VSTM2L: variants seen among roughly 807,000 people sequenced by gnomAD.
The protein encoded by VSTM2L is V-set and transmembrane domain containing 2 like.
VSTM2L carries 9 observed loss-of-function variants against 19.9 expected under a neutral mutation model. The ratio of observed to expected loss-of-function variants is 0.45; its 90% CI spans 0.27 to 0.79. The LOEUF is 0.79. Ranked by LOEUF, VSTM2L falls within the 30% of genes least tolerant of loss-of-function variation. The probability of loss-of-function intolerance (pLI) is 0.15; values close to 1 mark genes in which losing one functional copy is unlikely to be tolerated. For synonymous variants in VSTM2L, 127 were observed against 133.8 expected, an observed-to-expected ratio of 0.95 and a Z score of 0.35; for missense variants, 286 against 295.5, an observed-to-expected ratio of 0.97 and a Z score of 0.24.
At chr20:37,911,128 G>A (rs1011644489) in intron 1 of VSTM2L, among the ~76,000 whole-genome samples, 45 of 150,664 alleles carry the variant, frequency 3.0e-4, no homozygotes, top group African/African-American at 1.1e-3. Context: ...AAAATTAGCC[G>A]GGCATGGTGG....
intron 1 of VSTM2L, among the ~76,000 whole-genome samples, chr20:37,904,759 T>G (rs1470716591): frequency 6.6e-6 from 1 of 151,734 alleles, no homozygotes; most frequent in Non-Finnish European, 1.5e-5. Context: ...TCAGGGAAGG[T>G]TTTGCTGGGG....
At chr20:37,906,034 T>G (rs2072750254) in intron 1 of VSTM2L, among the ~76,000 whole-genome samples, 2 of 120,860 alleles carry the variant, frequency 1.7e-5, no homozygotes, top group Non-Finnish European at 3.3e-5. Context: ...GTCGGGAAGG[T>G]GTCTCTGTGT....
chr20:37,924,170 A>G (rs1408050066), intron 1 of VSTM2L, among the ~76,000 whole-genome samples: 12 of 152,216 alleles, frequency 7.9e-5, no homozygotes, highest in African/African-American at 2.2e-4. Context: ...CCAGGAGTCC[A>G]TGGCTGCGAT....
At chr20:37,909,630 A>G (rs1467193852) in intron 1 of VSTM2L, among the ~76,000 whole-genome samples, 5 of 152,156 alleles carry the variant, frequency 3.3e-5, no homozygotes, top group Non-Finnish European at 1.5e-5. Context: ...CCCCCTCCTT[A>G]TCCCTGCTGA....
In VSTM2L at chr20:37,933,717, A is replaced by G. The variant is rs567990067; in HGVS notation, c.342+128A>G. On this transcript the variant is annotated intron_variant, in intron 3 of 3. Coordinates refer to ENST00000373461, the MANE Select transcript of VSTM2L (RefSeq NM_080607.3). ...ATGGAAGAGAAGAAAAAGAGAAGGG[A>G]AAAAAATGGCCTTGCTCTGTTTTTT... 1.4e-4 allele frequency: 121 copies of G among 884,460 alleles called. 1 individual carries two copies. In the African/African-American group the frequency reaches 1.7e-3, roughly 13 times the overall value. 54.8% of individuals were successfully genotyped at this position (884,460 alleles called of 1,614,324 possible).
At chr20:37,909,614 T>C (rs1445535144) in intron 1 of VSTM2L, among the ~76,000 whole-genome samples, 3 of 152,160 alleles carry the variant, frequency 2.0e-5, no homozygotes, top group Non-Finnish European at 4.4e-5. Context: ...AATCACAAAA[T>C]TGGAGCCCCC....
chr20:37,927,354 T>G (rs973562164), intron 1 of VSTM2L, among the ~76,000 whole-genome samples: 2 of 144,506 alleles, frequency 1.4e-5, no homozygotes, highest in Non-Finnish European at 3.0e-5. Context: ...ATTTCACGTG[T>G]TTTTTTTTAC....
At chr20:37,915,712 G>A (rs1275527330) in intron 1 of VSTM2L, among the ~76,000 whole-genome samples, 1 of 151,972 alleles carries the variant, frequency 6.6e-6, no homozygotes, top group African/African-American at 2.4e-5. Flanking sequence ...TCGCAGACAC[G>A]ATTGGGCAGG....
intron 1 of VSTM2L, among the ~76,000 whole-genome samples, chr20:37,927,035 G>A (rs981383596): frequency 1.3e-5 from 2 of 152,198 alleles, no homozygotes; most frequent in Non-Finnish European, 2.9e-5. Flanking sequence ...ACACAATCTC[G>A]GCTCACTGCG....
chr20:37,943,262 A>G (rs1302724463), intron 3 of VSTM2L, among the ~76,000 whole-genome samples: 2 of 151,650 alleles, frequency 1.3e-5, no homozygotes, highest in African/African-American at 4.8e-5. Context: ...TCCAGGCATG[A>G]GCCACCGCAC....
Position 37,944,095 on chromosome 20 carries a change from C to T in VSTM2L, c.457C>T (p.Arg153Trp), listed in dbSNP as rs1200186878. Residue 153 changes from arginine (R) to tryptophan (W), a missense_variant, in exon 4 of 4, where the codon CGG becomes TGG. Physicochemically the swap from Arg to Trp is moderately radical, Grantham distance 101. Transcript: ENST00000373461. ...RVIDFSDGKARHHKVKAYLRV... is the reference protein window; with the variant it reads ...RVIDFSDGKAWHHKVKAYLRV... Reference sequence around the variant, plus strand: ...CATCGACTTCAGCGACGGCAAGGCCCGGCACCACAAGGTCAAGGCCTACCT... The same window carrying T: ...CATCGACTTCAGCGACGGCAAGGCCTGGCACCACAAGGTCAAGGCCTACCT... 11 of 1,612,770 alleles carry T rather than the reference C, an allele frequency of 6.8e-6. No homozygotes were observed. The highest frequency in any genetic ancestry group is 6.7e-5 in the Admixed American group (4 of 59,934).
chr20:37,914,576 C>A (rs1418630655), intron 1 of VSTM2L, among the ~76,000 whole-genome samples: 2 of 151,774 alleles, frequency 1.3e-5, no homozygotes, highest in Non-Finnish European at 1.5e-5. Context: ...CAGACCTTTT[C>A]TCTCCCTGGC....
At chr20:37,941,265 T>G (rs2072970226) in intron 3 of VSTM2L, among the ~76,000 whole-genome samples, 1 of 152,118 alleles carries the variant, frequency 6.6e-6, no homozygotes. Context: ...ATGAGAAGAC[T>G]GCTATGCAGG....
At chr20:37,931,408 C>A (rs2072907982) in intron 1 of VSTM2L, among the ~76,000 whole-genome samples, 1 of 152,178 alleles carries the variant, frequency 6.6e-6, no homozygotes, top group South Asian at 2.1e-4. Flanking sequence ...ACTCCCTCAT[C>A]GCCATCTCAT....
At chr20:37,943,957 T>G (rs200825718) in intron 3 of VSTM2L, 24 bp from the exon 4 acceptor site, 1 of 996,646 alleles carries the variant, frequency 1.0e-6, no homozygotes, top group East Asian at 7.4e-5. Context: ...GATGGACAGG[T>G]CACGGTCTCT....
chr20:37,933,520 C>A lies in VSTM2L; in HGVS notation c.292-19C>A, dbSNP rs1022690672. 2 of 1,613,262 alleles carry A rather than the reference C, an allele frequency of 1.2e-6. No homozygotes were observed. Among genetic ancestry groups the A allele is most frequent in the African/African-American group, 2.7e-5 (2 of 74,888 alleles). ...AACACCTTGTCTCTGCTCTCTCCGC[C>A]CCTCCCCGATCCCAACAGCTAAAAG... is the stretch of plus-strand genomic sequence containing the variant. On this transcript the variant is annotated intron_variant, in intron 2 of 3. Coordinates refer to ENST00000373461, the MANE Select transcript of VSTM2L (RefSeq NM_080607.3).
At chr20:37,915,164 G>A (rs2065211480) in intron 1 of VSTM2L, among the ~76,000 whole-genome samples, 1 of 152,172 alleles carries the variant, frequency 6.6e-6, no homozygotes. Flanking sequence ...CAGCGGAGGA[G>A]AGGGAGGGGC....
At chr20:37,907,122 C>T (rs1227601792) in intron 1 of VSTM2L, among the ~76,000 whole-genome samples, 1 of 152,172 alleles carries the variant, frequency 6.6e-6, no homozygotes, top group African/African-American at 2.4e-5. Flanking sequence ...TTTAATTTCT[C>T]TTGAGACAAG....
chr20:37,920,776 A>G (rs112831158), intron 1 of VSTM2L, among the ~76,000 whole-genome samples: 1 of 152,270 alleles, frequency 6.6e-6, no homozygotes, highest in Non-Finnish European at 1.5e-5. Context: ...CATAGTAGGC[A>G]TCCAATAAAT....
Sources: allele counts gnomAD v4.1 joint callset (sites outside exome capture counted in the v4.1 genomes callset), GRCh38; gene constraint gnomAD v4.1.1; transcripts MANE v1.5; gene names NCBI Gene and HGNC (gene_info 2026-07-23, HGNC 2026-07-21).